The following ARHGAP10 variants were observed in gnomAD, a reference collection of about 807,000 sequenced individuals.
The protein encoded by ARHGAP10 is rho GTPase-activating protein 10.
Under a neutral mutation model 108.6 loss-of-function variants are expected in ARHGAP10, and 87 were observed. That is an observed-to-expected ratio of 0.80 (90% CI 0.67 to 0.96). The LOEUF (loss-of-function observed/expected upper bound fraction) is 0.96, where lower values mean the gene tolerates loss of function less well. ARHGAP10 is among the 40% of genes least tolerant of loss of function. The pLI is 0.00. For missense variants in ARHGAP10, 939 were observed against 954.5 expected, an observed-to-expected ratio of 0.98 and a Z score of 0.21; for synonymous variants, 347 against 341.1, an observed-to-expected ratio of 1.02 and a Z score of -0.19.
At chr4:148,008,034 C>A (rs902968484) in intron 18 of ARHGAP10, among the ~76,000 whole-genome samples, 1 of 152,190 alleles carries the variant, frequency 6.6e-6, no homozygotes, top group Non-Finnish European at 1.5e-5. Flanking sequence ...GTTTGTTAAT[C>A]CTGTCTAAAA....
chr4:147,895,525 A>AG (rs1186822908), intron 10 of ARHGAP10, among the ~76,000 whole-genome samples: 2 of 151,098 alleles, frequency 1.3e-5, no homozygotes, highest in Non-Finnish European at 3.0e-5. Flanking sequence ...AAAAAAAAAA[A>AG]AAAAAAAAAA....
chr4:147,784,164 GTGTATTATATATTTTACATAACATTAAA>G (rs1730702560), intron 1 of ARHGAP10, among the ~76,000 whole-genome samples: 2 of 65,560 alleles, frequency 3.1e-5, no homozygotes, highest in Non-Finnish European at 2.9e-5. Context: ...ACATTAAATT[GTGTATTATATATTTTACATAACATTAAA>G]TTGTGTATTA....
Position 147,732,425 on chromosome 4 carries a change from G to A in ARHGAP10, c.124G>A (p.Asp42Asn), listed in dbSNP as rs1560728853. 6.2e-7 allele frequency: 1 copy of A among 1,612,834 alleles called. No individual in the cohort carries two copies. The highest frequency in any genetic ancestry group is 8.5e-7 in the Non-Finnish European group (1 of 1,179,410). The change falls in exon 1 of 23, where the codon GAC becomes AAC. Residue 42 changes from aspartate (D) to asparagine (N), a missense_variant. By Grantham distance (23) the Asp-to-Asn change is conservative. Transcript: ENST00000336498. ...TNKFIKELIK[D>N]GKNLIAATKS... ...CAAGTTCATCAAAGAGCTCATTAAG[G>A]ACGGGAAGAACCTCATCGCTGCGAC...
At chr4:148,012,724 T>C (rs1741212520) in intron 18 of ARHGAP10, among the ~76,000 whole-genome samples, 1 of 152,186 alleles carries the variant, frequency 6.6e-6, no homozygotes, top group Non-Finnish European at 1.5e-5. Flanking sequence ...ACCCATATAT[T>C]GCAGAGGCCA....
intron 10 of ARHGAP10, among the ~76,000 whole-genome samples, chr4:147,897,615 C>G (rs1275013214): frequency 3.3e-5 from 5 of 152,184 alleles, no homozygotes; most frequent in South Asian, 4.2e-4. Context: ...AATAAAGACC[C>G]TTAGAACAGT....
rs1313899699 is a variant in ARHGAP10, at chr4:147,864,901, A to G, written c.542A>G (p.Tyr181Cys). 2.5e-6 allele frequency: 4 copies of G among 1,614,140 alleles called. No individual in the cohort carries two copies. Among genetic ancestry groups the G allele is most frequent in the Non-Finnish European group, 3.4e-6 (4 of 1,180,012 alleles). The change falls in exon 6 of 23, where the codon TAT (tyrosine) becomes TGT (cysteine). Residue 181 changes from tyrosine (Y) to cysteine (C), a missense_variant. Physicochemically the swap from Tyr to Cys is radical, Grantham distance 194. Coordinates refer to ENST00000336498, the MANE Select transcript of ARHGAP10 (RefSeq NM_024605.4). ...CACTTCTATGAACTGTCTCTCGAGT[A>G]TGTGTGTAAGCTGCAGGAAATCCAA... Reference protein sequence around the residue: ...RQHFYELSLEYVCKLQEIQER... With the variant: ...RQHFYELSLECVCKLQEIQER...
chr4:147,881,811 G>C, intron 9 of ARHGAP10, 27 bp from the exon 10 acceptor site: 1 of 1,608,882 alleles, frequency 6.2e-7, no homozygotes, highest in South Asian at 1.1e-5. Context: ...TGTAGGTTTT[G>C]AGAATGTTCA....
At chr4:147,913,247 C>T in intron 13 of ARHGAP10, 108 bp downstream of exon 13, 1 of 916,548 alleles carries the variant, frequency 1.1e-6, no homozygotes. Flanking sequence ...AACGTGTTAA[C>T]ACAAATGCTC....
At chr4:148,043,569 A>G (rs1728724613) in intron 19 of ARHGAP10, among the ~76,000 whole-genome samples, 1 of 138,472 alleles carries the variant, frequency 7.2e-6, no homozygotes, top group Admixed American at 7.8e-5. Context: ...ACTTGAACCT[A>G]GAAGTCCGAG....
intron 1 of ARHGAP10, among the ~76,000 whole-genome samples, chr4:147,779,470 C>T (rs1730439588): frequency 6.6e-6 from 1 of 151,770 alleles, no homozygotes; most frequent in South Asian, 2.1e-4. Context: ...GGGAAGGGTC[C>T]TGAGGGGGGA....
At chr4:148,048,069 C>T (rs574684054) in intron 20 of ARHGAP10, among the ~76,000 whole-genome samples, 14 of 152,150 alleles carry the variant, frequency 9.2e-5, no homozygotes, top group East Asian at 7.7e-4. Context: ...GTGATCCACC[C>T]GCCTTGGCCT....
At chr4:148,016,243 C>G (rs768129881) in intron 18 of ARHGAP10, among the ~76,000 whole-genome samples, 6 of 152,152 alleles carry the variant, frequency 3.9e-5, no homozygotes, top group Admixed American at 6.5e-5. Context: ...GTGACTCATA[C>G]CTGTAATCCC....
intron 1 of ARHGAP10, among the ~76,000 whole-genome samples, chr4:147,757,191 T>A (rs1319706397): frequency 8.1e-6 from 1 of 123,458 alleles, no homozygotes; most frequent in Non-Finnish European, 1.7e-5. Flanking sequence ...CAGTCTAGCC[T>A]TTTTTTTTTT....
chr4:147,797,857 A>G (rs577568237), intron 1 of ARHGAP10, among the ~76,000 whole-genome samples: 48 of 152,274 alleles, frequency 3.2e-4, no homozygotes, highest in African/African-American at 1.1e-3. Flanking sequence ...GGGTCTGTAC[A>G]GTCAATCTTT....
chr4:148,014,466 T>G lies in ARHGAP10; in HGVS notation c.1717-8797T>G, dbSNP rs552991156. Among the ~76,000 whole-genome samples, 3 of 152,360 alleles carry G rather than the reference T, an allele frequency of 2.0e-5. No homozygotes were observed. In the South Asian group the frequency reaches 6.2e-4, roughly 32 times the overall value. ...GTTCACACCGTGAACATAACAGTGATGCAGCTTTGGCTTAATCAGGAGAGG... is the reference window on the plus strand; with the variant it reads ...GTTCACACCGTGAACATAACAGTGAGGCAGCTTTGGCTTAATCAGGAGAGG... On this transcript the variant is annotated intron_variant, in intron 18 of 22. Transcript: ENST00000336498.
intron 1 of ARHGAP10, among the ~76,000 whole-genome samples, chr4:147,742,658 G>A (rs942698409): frequency 2.6e-5 from 4 of 151,188 alleles, no homozygotes; most frequent in Non-Finnish European, 5.9e-5. Flanking sequence ...TAATTTTTTT[G>A]TATTTTTAGT....
intron 1 of ARHGAP10, among the ~76,000 whole-genome samples, chr4:147,798,539 G>A (rs1338268149): frequency 6.6e-6 from 1 of 151,308 alleles, no homozygotes; most frequent in African/African-American, 2.4e-5. Flanking sequence ...GATGACTTTG[G>A]GCAGCCTAGG....
At chr4:148,017,798 GT>G (rs1256748983) in intron 18 of ARHGAP10, among the ~76,000 whole-genome samples, 1 of 152,054 alleles carries the variant, frequency 6.6e-6, no homozygotes, top group Admixed American at 6.6e-5. Flanking sequence ...GGTTTAAGTT[GT>G]GTGCTAAAGC....
intron 12 of ARHGAP10, 48 bp from the exon 13 acceptor site, chr4:147,913,026 G>C (rs752345214): frequency 4.0e-6 from 6 of 1,506,246 alleles, no homozygotes; most frequent in Non-Finnish European, 4.6e-6. Context: ...GAAGAGAAAT[G>C]TGATAAATAA....
Sources: allele counts gnomAD v4.1 joint callset (sites outside exome capture counted in the v4.1 genomes callset), GRCh38; gene constraint gnomAD v4.1.1; transcripts MANE v1.5; gene names NCBI Gene and HGNC (gene_info 2026-07-23, HGNC 2026-07-21).